Variants in DSCAM observed in about 807,000 individuals in gnomAD.
DSCAM encodes the protein cell adhesion molecule DSCAM.
DSCAM carries 47 observed loss-of-function variants against 217.7 expected under a neutral mutation model. That is an observed-to-expected ratio of 0.22 (90% CI 0.17 to 0.28). The LOEUF is 0.28. Among genes scored for constraint, DSCAM ranks in the 10% least tolerant of loss-of-function variants. The pLI, the probability that DSCAM is intolerant of heterozygous loss-of-function variation, is 1.00. For synonymous variants in DSCAM, 1,056 were observed against 1,015.3 expected (o/e 1.04, Z -0.76); for missense variants, 2,080 against 2,618.3 (o/e 0.79, Z 4.49).
chr21:40,418,519 G>T (rs2123812730), intron 3 of DSCAM, among the ~76,000 whole-genome samples: 1 of 152,274 alleles, frequency 6.6e-6, no homozygotes, highest in African/African-American at 2.4e-5. Flanking sequence ...ATGGCCACAA[G>T]AACATGGGTT....
intron 16 of DSCAM, among the ~76,000 whole-genome samples, chr21:40,150,124 A>G (rs1437988954): frequency 6.6e-6 from 1 of 152,246 alleles, no homozygotes; most frequent in Non-Finnish European, 1.5e-5. Flanking sequence ...CAGTATAAGT[A>G]TGCTTCTTTA....
chr21:40,638,287 C>T (rs1003937679), intron 3 of DSCAM, among the ~76,000 whole-genome samples: 7 of 152,108 alleles, frequency 4.6e-5, no homozygotes, highest in African/African-American at 9.7e-5. Flanking sequence ...TCCCTGGTAA[C>T]GAGATGGTAA....
At chr21:40,523,652 T>A (rs148754919) in intron 3 of DSCAM, among the ~76,000 whole-genome samples, 1,785 of 152,266 alleles carry the variant, frequency 0.012, 35 homozygotes, top group African/African-American at 0.04. Flanking sequence ...CAAGCCCAGG[T>A]GTGATCTGAT....
intron 26 of DSCAM, 84 bp from the exon 27 acceptor site, chr21:40,075,297 C>T (rs529769991): frequency 1.8e-5 from 26 of 1,464,752 alleles, no homozygotes; most frequent in East Asian, 1.6e-4. Flanking sequence ...ATAAAAATCG[C>T]GCTGTGTGAT....
At chr21:40,246,536 A>G (rs2073228397) in intron 11 of DSCAM, among the ~76,000 whole-genome samples, 1 of 150,946 alleles carries the variant, frequency 6.6e-6, no homozygotes, top group African/African-American at 2.4e-5. Flanking sequence ...GAGAGACTCT[A>G]TATCAAAGAA....
At chr21:40,808,658 TAG>T (rs981930641) in intron 1 of DSCAM, among the ~76,000 whole-genome samples, 1 of 151,974 alleles carries the variant, frequency 6.6e-6, no homozygotes, top group Admixed American at 6.6e-5. Context: ...TCACTTTTTG[TAG>T]AGACAGGATT....
chr21:40,143,175 A>G (rs931670388), intron 17 of DSCAM, among the ~76,000 whole-genome samples: 1 of 152,356 alleles, frequency 6.6e-6, no homozygotes, highest in Non-Finnish European at 1.5e-5. Context: ...GTAGAAACAT[A>G]ATCATAGATT....
chr21:40,513,446 T>C (rs1345408170), intron 3 of DSCAM, among the ~76,000 whole-genome samples: 1 of 152,172 alleles, frequency 6.6e-6, no homozygotes, highest in African/African-American at 2.4e-5. Flanking sequence ...TATGGTTCTG[T>C]AGGTTGTACA....
intron 11 of DSCAM, among the ~76,000 whole-genome samples, chr21:40,268,481 A>T (rs1476586196): frequency 1.3e-5 from 2 of 152,204 alleles, no homozygotes; most frequent in African/African-American, 2.4e-5. Flanking sequence ...GGGGAAGGCC[A>T]TGGAACAGAA....
intron 6 of DSCAM, among the ~76,000 whole-genome samples, chr21:40,342,287 T>A (rs972927288): frequency 1.3e-5 from 2 of 152,152 alleles, no homozygotes; most frequent in Admixed American, 1.3e-4. Context: ...AACATATATA[T>A]GACACATATA....
intron 32 of DSCAM, among the ~76,000 whole-genome samples, chr21:40,041,261 A>G (rs142606503): frequency 6.6e-6 from 1 of 152,330 alleles, no homozygotes; most frequent in East Asian, 1.9e-4. Context: ...ATAAGATTGG[A>G]TAGATCAGTC....
chr21:40,305,885 A>C (rs559821111), intron 9 of DSCAM, among the ~76,000 whole-genome samples: 1 of 152,292 alleles, frequency 6.6e-6, no homozygotes, highest in Admixed American at 6.5e-5. Flanking sequence ...TGATGCCTCC[A>C]GCTTTGTTCT....
intron 1 of DSCAM, among the ~76,000 whole-genome samples, chr21:40,723,668 A>G (rs2090926054): frequency 6.6e-6 from 1 of 152,242 alleles, no homozygotes; most frequent in Admixed American, 6.5e-5. Context: ...TTTTCATACT[A>G]CATATAACTA....
chr21:40,501,764 G>C (rs1379314794), intron 3 of DSCAM, among the ~76,000 whole-genome samples: 2 of 152,084 alleles, frequency 1.3e-5, no homozygotes, highest in Admixed American at 1.3e-4. Flanking sequence ...GCTAATTTTT[G>C]TATTTTTAGT....
chr21:40,145,570 C>T (rs1156958582), intron 16 of DSCAM, among the ~76,000 whole-genome samples: 1 of 152,070 alleles, frequency 6.6e-6, no homozygotes, highest in Non-Finnish European at 1.5e-5. Context: ...TAAGGCTGGG[C>T]GCGGTGGCTC....
rs1182105406 is a variant in DSCAM, at chr21:40,637,450, A to T, written c.508+55360T>A. ...ATATATAAATATAAATATATATATAAATATATACAAATATATATAAATATA... is the reference window on the plus strand; with the variant it reads ...ATATATAAATATAAATATATATATATATATATACAAATATATATAAATATA... On this transcript the variant is annotated intron_variant, in intron 3 of 32. Transcript: ENST00000400454. Among the ~76,000 whole-genome samples the T allele has an allele frequency of 2.5e-4, 9 of 36,606 alleles. No homozygotes were observed. The East Asian group carries it at 2.6e-3, about 11-fold the overall frequency. The allele number at this position is 36,606 out of a possible 152,430, so 24.0% of individuals were successfully genotyped here.
At chr21:40,242,451 A>G (rs1453376609) in intron 11 of DSCAM, among the ~76,000 whole-genome samples, 2 of 152,184 alleles carry the variant, frequency 1.3e-5, no homozygotes, top group Non-Finnish European at 2.9e-5. Flanking sequence ...CAGAAGTGCC[A>G]TATGTGTCTT....
At chr21:40,128,749 T>G (rs544515610) in intron 19 of DSCAM, among the ~76,000 whole-genome samples, 1 of 150,726 alleles carries the variant, frequency 6.6e-6, no homozygotes, top group Non-Finnish European at 1.5e-5. Context: ...TGGGAGACCT[T>G]GACCTCAGAT....
chr21:40,761,681 G>C (rs928055634), intron 1 of DSCAM, among the ~76,000 whole-genome samples: 3 of 152,164 alleles, frequency 2.0e-5, no homozygotes, highest in Non-Finnish European at 4.4e-5. Context: ...CTAATACAGA[G>C]AGAAACGATC....
Sources: gnomAD v4.1 joint callset for allele counts (sites outside exome capture counted in the v4.1 genomes callset) on GRCh38, gnomAD v4.1.1 for gene constraint, MANE v1.5 for transcripts, NCBI Gene and HGNC (gene_info 2026-07-23, HGNC 2026-07-21) for gene names.